CTNNA3: variants seen among roughly 807,000 people sequenced by gnomAD.
The protein encoded by CTNNA3 is catenin alpha-3.
CTNNA3 carries 76 observed loss-of-function variants against 95.7 expected under a neutral mutation model. The ratio of observed to expected loss-of-function variants is 0.79; its 90% CI spans 0.66 to 0.96. The LOEUF (loss-of-function observed/expected upper bound fraction) is 0.96, where lower values mean the gene tolerates loss of function less well. CTNNA3 is among the 40% of genes least tolerant of loss of function. CTNNA3 has a pLI of 0.00. For synonymous variants in CTNNA3, 431 were observed against 374.4 expected (o/e 1.15, Z -1.74); for missense variants, 1,191 against 1,089.8 (o/e 1.09, Z -1.31).
intron 5 of CTNNA3, among the ~76,000 whole-genome samples, chr10:67,233,044 T>A (rs1403879408): frequency 1.3e-5 from 2 of 152,128 alleles, no homozygotes; most frequent in African/African-American, 4.8e-5. Context: ...AGACTTAGAC[T>A]CCCACACAAT....
At chr10:66,860,780 T>C (rs1843888767) in intron 7 of CTNNA3, among the ~76,000 whole-genome samples, 1 of 152,232 alleles carries the variant, frequency 6.6e-6, no homozygotes. Flanking sequence ...AATCTAGGAT[T>C]GCATCTATCC....
At chr10:67,375,611 A>C (rs1041654297) in intron 5 of CTNNA3, among the ~76,000 whole-genome samples, 1 of 152,126 alleles carries the variant, frequency 6.6e-6, no homozygotes, top group Middle Eastern at 3.2e-3. Context: ...TCAAAAAAAA[A>C]ACAAAAACCT....
At chr10:67,384,909 G>T (rs1844091319) in intron 5 of CTNNA3, among the ~76,000 whole-genome samples, 1 of 152,096 alleles carries the variant, frequency 6.6e-6, no homozygotes, top group Non-Finnish European at 1.5e-5. Flanking sequence ...AAGTGGTAAA[G>T]ATTTGAATTT....
chr10:66,351,718 G>A (rs1432282088), intron 12 of CTNNA3, among the ~76,000 whole-genome samples: 1 of 151,956 alleles, frequency 6.6e-6, no homozygotes, highest in Non-Finnish European at 1.5e-5. Flanking sequence ...GTATGGGAAG[G>A]TCAAGACAAC....
At chr10:67,187,346 T>C (rs529073467) in intron 6 of CTNNA3, among the ~76,000 whole-genome samples, 13 of 152,256 alleles carry the variant, frequency 8.5e-5, no homozygotes, top group African/African-American at 2.9e-4. Flanking sequence ...AGAGAAGATA[T>C]AGGATTCAAA....
chr10:67,030,081 A>C (rs1646205130), intron 7 of CTNNA3, among the ~76,000 whole-genome samples: 2 of 152,134 alleles, frequency 1.3e-5, no homozygotes, highest in African/African-American at 2.4e-5. Context: ...AATCATATAG[A>C]AGGTGTATTT....
chr10:66,623,922 T>G (rs1415880565), intron 9 of CTNNA3, among the ~76,000 whole-genome samples: 1 of 152,186 alleles, frequency 6.6e-6, no homozygotes, highest in Non-Finnish European at 1.5e-5. Flanking sequence ...TGATTCTTCC[T>G]AAATTCTGCA....
At chr10:66,043,956 CTGTGTGTGTGTGTGTGTG>C (rs59559225) in intron 15 of CTNNA3, among the ~76,000 whole-genome samples, 10 of 144,380 alleles carry the variant, frequency 6.9e-5, no homozygotes, top group African/African-American at 1.8e-4. Flanking sequence ...TAGGACTATG[CTGTGTGTGTGTGTGTGTG>C]TGTGTGTGTG....
chr10:66,981,469 TA>T (rs372900202), intron 7 of CTNNA3, among the ~76,000 whole-genome samples: 5 of 152,344 alleles, frequency 3.3e-5, no homozygotes, highest in African/African-American at 9.6e-5. Flanking sequence ...CATTTCCATT[TA>T]TTTTTTTTGG....
intron 7 of CTNNA3, among the ~76,000 whole-genome samples, chr10:66,998,293 G>GT (rs1296855257): frequency 6.6e-6 from 1 of 152,120 alleles, no homozygotes; most frequent in Non-Finnish European, 1.5e-5. Context: ...ATACACTGTT[G>GT]TTTTAGTACT....
At chr10:66,614,547 T>A (rs1167844557) in intron 10 of CTNNA3, among the ~76,000 whole-genome samples, 1 of 152,012 alleles carries the variant, frequency 6.6e-6, no homozygotes, top group African/African-American at 2.4e-5. Context: ...AATCTTGACT[T>A]TCTTCCCTAC....
At chr10:66,950,751 C>T (rs1486800710) in intron 7 of CTNNA3, among the ~76,000 whole-genome samples, 1 of 152,146 alleles carries the variant, frequency 6.6e-6, no homozygotes, top group Non-Finnish European at 1.5e-5. Context: ...TCAGCTGCAA[C>T]TATTTAATCC....
chr10:66,464,893 AT>A (rs1264062175), intron 11 of CTNNA3, among the ~76,000 whole-genome samples: 2 of 152,140 alleles, frequency 1.3e-5, no homozygotes, highest in African/African-American at 4.8e-5. Context: ...TTAAAAAAAA[AT>A]AAGATCTCAA....
chr10:67,627,380 G>A (rs571332047), intron 2 of CTNNA3, among the ~76,000 whole-genome samples: 1 of 152,204 alleles, frequency 6.6e-6, no homozygotes, highest in South Asian at 2.1e-4. Context: ...GGGACAATGG[G>A]GAGGGACCTG....
intron 11 of CTNNA3, among the ~76,000 whole-genome samples, chr10:66,382,714 C>G (rs1210824555): frequency 2.6e-5 from 4 of 152,104 alleles, no homozygotes; most frequent in African/African-American, 9.7e-5. Flanking sequence ...AGGCGGCTGC[C>G]CCTCTGGGAT....
rs5785796 is a variant in CTNNA3, at chr10:66,875,643, T to TA, written c.1048-100120dup. ...GACAACATAATAAAAAGCTTTAAAA[T>TA]AAAAAAAATAGTAAATCTGCTAATC... On this transcript the variant is annotated intron_variant, in intron 7 of 17. Transcript: ENST00000433211. Among the ~76,000 whole-genome samples, 16 of 151,710 alleles carry TA rather than the reference T, an allele frequency of 1.1e-4. 1 individual carries two copies. The South Asian group carries it at 2.3e-3, about 22-fold the overall frequency.
rs569842446 is a variant in CTNNA3, at chr10:66,160,602, T to C, written c.1885-57353A>G. 4.0e-4 allele frequency among the ~76,000 whole-genome samples: 61 copies of C among 152,298 alleles called. 1 individual carries two copies. The highest frequency in any genetic ancestry group is 1.5e-3 in the African/African-American group (61 of 41,584). On this transcript the variant is annotated intron_variant, in intron 13 of 17. Coordinates refer to ENST00000433211, the MANE Select transcript of CTNNA3 (RefSeq NM_013266.4). ...TTGAGGCTCATTTTATGGCCTATTA[T>C]ATGGTCTATCTTGGAGAAAGTTTCA... is the stretch of plus-strand genomic sequence containing the variant.
chr10:67,411,377 T>C (rs758067242), intron 5 of CTNNA3, among the ~76,000 whole-genome samples: 8 of 152,166 alleles, frequency 5.3e-5, no homozygotes, highest in Non-Finnish European at 1.2e-4. Context: ...GTTAATTTAA[T>C]ATGACCAAAA....
chr10:67,096,746 C>T (rs1858016780), intron 7 of CTNNA3, among the ~76,000 whole-genome samples: 1 of 151,802 alleles, frequency 6.6e-6, no homozygotes. Flanking sequence ...ACTTTTAGAA[C>T]TTGCTTTCTT....
Sources: allele counts gnomAD v4.1 joint callset (sites outside exome capture counted in the v4.1 genomes callset), GRCh38; gene constraint gnomAD v4.1.1; transcripts MANE v1.5; gene names NCBI Gene and HGNC (gene_info 2026-07-23, HGNC 2026-07-21).